NRXN1: variants seen among roughly 807,000 people sequenced by gnomAD.
The protein encoded by NRXN1 is neurexin 1.
Under a neutral mutation model 150.9 loss-of-function variants are expected in NRXN1, and 39 were observed. That is an observed-to-expected ratio of 0.26 (90% confidence interval 0.20 to 0.34). The LOEUF (loss-of-function observed/expected upper bound fraction) is 0.34, where lower values mean the gene tolerates loss of function less well. Ranked by LOEUF, NRXN1 falls within the 10% of genes least tolerant of loss-of-function variation. NRXN1 has a pLI of 1.00. For synonymous variants in NRXN1, 924 were observed against 757.0 expected, an observed-to-expected ratio of 1.22 and a Z score of -3.62; for missense variants, 1,815 against 1,949.9, an observed-to-expected ratio of 0.93 and a Z score of 1.30.
chr2:50,658,313 A>C (rs1156266888), intron 5 of NRXN1, among the ~76,000 whole-genome samples: 1 of 151,834 alleles, frequency 6.6e-6, no homozygotes, highest in African/African-American at 2.4e-5. Flanking sequence ...TGACCTGCCC[A>C]ATGCGACATC....
chr2:51,009,338 C>T (rs373272296), intron 2 of NRXN1: 3 of 151,964 alleles, frequency 2.0e-5, no homozygotes, highest in African/African-American at 7.2e-5. Flanking sequence ...AAATTTTATG[C>T]AACAAATGCA....
At chr2:50,436,180 A>T (rs904769377) in intron 17 of NRXN1, among the ~76,000 whole-genome samples, 1 of 152,168 alleles carries the variant, frequency 6.6e-6, no homozygotes, top group Admixed American at 6.6e-5. Flanking sequence ...AAGGCTGGGC[A>T]TGGTAGCTCA....
chr2:49,952,506 C>T (rs1237423745), intron 21 of NRXN1, among the ~76,000 whole-genome samples: 3 of 151,854 alleles, frequency 2.0e-5, no homozygotes, highest in African/African-American at 7.3e-5. Flanking sequence ...TGGAGTTAAC[C>T]CAGAGAGTTC....
chr2:50,190,958 C>T (rs184766621), intron 18 of NRXN1, among the ~76,000 whole-genome samples: 4 of 152,184 alleles, frequency 2.6e-5, no homozygotes, highest in African/African-American at 9.6e-5. Context: ...CTTTTATTTA[C>T]AAACCTTTTA....
intron 18 of NRXN1, among the ~76,000 whole-genome samples, chr2:50,218,328 T>C (rs974482409): frequency 2.0e-5 from 3 of 150,666 alleles, no homozygotes; most frequent in African/African-American, 7.3e-5. Context: ...TCAGTGGGAA[T>C]TGGGTGACAG....
intron 8 of NRXN1, among the ~76,000 whole-genome samples, chr2:50,557,784 A>G (rs1668473540): frequency 6.6e-6 from 1 of 152,224 alleles, no homozygotes; most frequent in Non-Finnish European, 1.5e-5. Flanking sequence ...TTTAATTGTC[A>G]TAACAAAGGT....
At chr2:50,459,770 T>C (rs1211960606) in intron 17 of NRXN1, among the ~76,000 whole-genome samples, 1 of 152,162 alleles carries the variant, frequency 6.6e-6, no homozygotes, top group East Asian at 1.9e-4. Context: ...GATAATTCAC[T>C]GTGATTTATC....
rs932638426 is a variant in NRXN1 at position 50,474,860 on chromosome 2, A to G, written c.3071-2389T>C. On this transcript the variant is annotated intron_variant, in intron 15 of 22. Transcript: ENST00000401669. The stretch of plus-strand genomic sequence containing the variant: ...CTACCAAAAAAAAAAAAATGAGTAC[A>G]GTAGAACTCACCCCATTGAGTTATT... Among the ~76,000 whole-genome samples the G allele has an allele frequency of 2.1e-5, 3 of 144,086 alleles. No individual in the cohort carries two copies. The Admixed American group carries it at 2.1e-4, about 10-fold the overall frequency. The allele number at this position is 144,086 out of a possible 152,430, so 94.5% of individuals were successfully genotyped here. A position where few individuals can be genotyped will look rare whatever the true frequency, so the allele number is the denominator to read the frequency against.
chr2:50,637,090 C>T (rs1041541138), intron 5 of NRXN1, among the ~76,000 whole-genome samples: 2 of 151,972 alleles, frequency 1.3e-5, no homozygotes, highest in African/African-American at 4.8e-5. Context: ...TGCTATATGT[C>T]CAAGAGCAGT....
At chr2:50,713,526 T>G (rs980053277) in intron 5 of NRXN1, among the ~76,000 whole-genome samples, 13 of 152,094 alleles carry the variant, frequency 8.5e-5, no homozygotes. Context: ...TATGGCTGAC[T>G]GACTGGACCC....
At chr2:50,421,484 GTA>G (rs1253921985) in intron 17 of NRXN1, among the ~76,000 whole-genome samples, 1 of 152,078 alleles carries the variant, frequency 6.6e-6, no homozygotes, top group Non-Finnish European at 1.5e-5. Context: ...GAATCATTCT[GTA>G]TAGTTACCAT....
At chr2:50,430,998 T>A (rs1453285746) in intron 17 of NRXN1, among the ~76,000 whole-genome samples, 1 of 152,200 alleles carries the variant, frequency 6.6e-6, no homozygotes, top group Non-Finnish European at 1.5e-5. Flanking sequence ...CATACATCAC[T>A]GCCACCATGC....
intron 5 of NRXN1, among the ~76,000 whole-genome samples, chr2:50,836,545 C>G (rs985408682): frequency 4.6e-5 from 7 of 152,002 alleles, no homozygotes; most frequent in African/African-American, 1.7e-4. Flanking sequence ...TTTTTAGATT[C>G]CACCCGTAAG....
intron 5 of NRXN1, among the ~76,000 whole-genome samples, chr2:50,730,775 C>A (rs1198476021): frequency 6.6e-6 from 1 of 150,674 alleles, no homozygotes; most frequent in African/African-American, 2.4e-5. Flanking sequence ...CGGGTTCACG[C>A]CATTCTCCTG....
At chr2:50,480,961 G>C (rs1222303338) in intron 15 of NRXN1, among the ~76,000 whole-genome samples, 2 of 152,180 alleles carry the variant, frequency 1.3e-5, no homozygotes, top group Non-Finnish European at 2.9e-5. Flanking sequence ...ACTGACATGA[G>C]TTAAGTATCC....
intron 5 of NRXN1, among the ~76,000 whole-genome samples, chr2:50,915,238 C>T (rs938617284): frequency 6.6e-6 from 1 of 151,440 alleles, no homozygotes; most frequent in South Asian, 2.1e-4. Context: ...TTAGCTTTTC[C>T]TTGAAAATGT....
chr2:50,757,401 TGAA>T (rs1307903343), intron 5 of NRXN1, among the ~76,000 whole-genome samples: 6 of 151,586 alleles, frequency 4.0e-5, no homozygotes, highest in Non-Finnish European at 8.8e-5. Flanking sequence ...CTGGCATGAG[TGAA>T]TAACTCAACT....
At chr2:50,874,325 A>G (rs1467386754) in intron 5 of NRXN1, among the ~76,000 whole-genome samples, 1 of 151,878 alleles carries the variant, frequency 6.6e-6, no homozygotes, top group African/African-American at 2.4e-5. Flanking sequence ...CATACTATCA[A>G]TTCTTTGTCA....
chr2:50,581,302 A>G lies in NRXN1; in HGVS notation c.1321-28277T>C, dbSNP rs144193735. On this transcript the variant is annotated intron_variant, in intron 8 of 22. Coordinates refer to ENST00000401669, the MANE Select transcript of NRXN1 (RefSeq NM_001330078.2). ...CCTACAGTTTTCAGGTTAATGTGGC[A>G]GCACCTCGTATCTATGCATGCCAAA... 1.2e-4 allele frequency among the ~76,000 whole-genome samples: 18 copies of G among 152,336 alleles called. No homozygotes were observed. In the East Asian group the frequency reaches 3.5e-3, roughly 29 times the overall value.
Sources: gnomAD v4.1 joint callset for allele counts (sites outside exome capture counted in the v4.1 genomes callset) on GRCh38, gnomAD v4.1.1 for gene constraint, MANE v1.5 for transcripts, NCBI Gene and HGNC (gene_info 2026-07-23, HGNC 2026-07-21) for gene names.